Variants in DOCK5 observed in about 807,000 individuals in gnomAD.
The protein encoded by DOCK5 is dedicator of cytokinesis protein 5.
A neutral mutation model predicts 251.8 loss-of-function variants in DOCK5; 142 were observed. The observed-to-expected ratio is 0.56, with a 90% CI of 0.49 to 0.65. The LOEUF (loss-of-function observed/expected upper bound fraction) is 0.65, where lower values mean the gene tolerates loss of function less well. Ranked by LOEUF, DOCK5 falls within the 30% of genes least tolerant of loss-of-function variation. The probability of loss-of-function intolerance (pLI) is 0.00; values close to 1 mark genes in which losing one functional copy is unlikely to be tolerated. For synonymous variants in DOCK5, 842 were observed against 835.5 expected (o/e 1.01, Z -0.13); for missense variants, 2,111 against 2,312.3 (o/e 0.91, Z 1.79).
chr8:25,413,922 A>G lies in DOCK5; in HGVS notation c.*2624A>G, dbSNP rs927064354. ...AAATAATGTGTCCTGAAGTCAGAGG[A>G]TGACTGCAAAGAAACACCTCATGAT... is the stretch of plus-strand genomic sequence containing the variant. On this transcript the variant is annotated 3_prime_UTR_variant, in exon 52 of 52. Transcript: ENST00000276440. 7 of 152,202 alleles carry G rather than the reference A, an allele frequency of 4.6e-5. No individual in the cohort carries two copies. Among genetic ancestry groups the G allele is most frequent in the African/African-American group, 1.7e-4 (7 of 41,446 alleles). 9.4% of individuals were successfully genotyped at this position (152,202 alleles called of 1,614,324 possible).
At chr8:25,205,980 C>G (rs1801990688) in intron 1 of DOCK5, among the ~76,000 whole-genome samples, 2 of 152,016 alleles carry the variant, frequency 1.3e-5, no homozygotes, top group Admixed American at 1.3e-4. Context: ...ATAAATAACT[C>G]CAGGGAAAGG....
Position 25,391,911 on chromosome 8 carries a change from T to G in DOCK5, c.4371T>G (p.Asn1457Lys). 1 of 1,613,844 alleles carries G rather than the reference T, an allele frequency of 6.2e-7. No individual in the cohort carries two copies. Among genetic ancestry groups the G allele is most frequent in the Non-Finnish European group, 8.5e-7 (1 of 1,179,838 alleles). ...PEQILNYYRA[N>K]EVQQFRYSRP... is the part of the protein sequence containing the mutation. ...CCTTCTCCAGCTACTACAGAGCCAA[T>G]GAAGTGCAGCAGTTCAGATACTCCC... The change falls in exon 43 of 52, where the codon AAT becomes AAG. Residue 1457 changes from asparagine (N) to lysine (K), a missense_variant. By Grantham distance (94) the Asn-to-Lys change is moderately conservative. Transcript: ENST00000276440.
intron 37 of DOCK5, 104 bp downstream of exon 37, chr8:25,374,758 G>A (rs1800934850): frequency 6.2e-7 from 1 of 1,604,606 alleles, no homozygotes; most frequent in Non-Finnish European, 8.5e-7. Flanking sequence ...TTTATTCCAG[G>A]AATATCCTTT....
intron 34 of DOCK5, 111 bp downstream of exon 34, chr8:25,369,752 GC>G: frequency 1.2e-6 from 1 of 825,944 alleles, no homozygotes; most frequent in Admixed American, 2.5e-5. Context: ...AGTCACTAGG[GC>G]CACCCCCACT....
chr8:25,276,666 C>G (rs573455668), intron 4 of DOCK5, among the ~76,000 whole-genome samples: 5 of 146,270 alleles, frequency 3.4e-5, no homozygotes, highest in Non-Finnish European at 7.4e-5. Flanking sequence ...CTTTTGTTTT[C>G]TTTTCTTTTT....
chr8:25,298,905 C>CA (rs1217496577), intron 7 of DOCK5, 39 bp from the exon 8 acceptor site: 2 of 1,549,952 alleles, frequency 1.3e-6, no homozygotes, highest in Non-Finnish European at 1.7e-6. Flanking sequence ...TCCCATTTGC[C>CA]AAAATCAAGA....
At chr8:25,356,556 ACTC>A (rs1035951844) in intron 27 of DOCK5, among the ~76,000 whole-genome samples, 5 of 151,944 alleles carry the variant, frequency 3.3e-5, no homozygotes, top group African/African-American at 1.2e-4. Flanking sequence ...AATCCCAGCT[ACTC>A]AGGAGGCTAA....
chr8:25,350,996 A>AT (rs1800457163), intron 26 of DOCK5, among the ~76,000 whole-genome samples: 1 of 151,986 alleles, frequency 6.6e-6, no homozygotes, highest in Non-Finnish European at 1.5e-5. Context: ...AGAGCTTTGT[A>AT]TTTTTGCCTT....
At chr8:25,367,583 G>T (rs745475650) in intron 31 of DOCK5, among the ~76,000 whole-genome samples, 2 of 152,156 alleles carry the variant, frequency 1.3e-5, no homozygotes. Context: ...GGATATCTGC[G>T]ATATGTAGGA....
chr8:25,251,902 T>A (rs1465912692), intron 2 of DOCK5, among the ~76,000 whole-genome samples: 2 of 151,166 alleles, frequency 1.3e-5, no homozygotes, highest in East Asian at 3.9e-4. Flanking sequence ...GGCACAAGAA[T>A]CGCTTGAACC....
At chr8:25,271,142 G>T in intron 3 of DOCK5, 1 of 288,704 alleles carries the variant, frequency 3.5e-6, no homozygotes, top group Non-Finnish European at 6.3e-6. Flanking sequence ...GGTTCCCCCA[G>T]GATCTAAATG....
chr8:25,383,643 T>G (rs1473369727), intron 40 of DOCK5, among the ~76,000 whole-genome samples: 2 of 152,138 alleles, frequency 1.3e-5, no homozygotes, highest in African/African-American at 4.8e-5. Flanking sequence ...TCACTTGACG[T>G]CAGGGGTTCG....
At chr8:25,384,165 G>T (rs549962882) in intron 40 of DOCK5, among the ~76,000 whole-genome samples, 52 of 152,302 alleles carry the variant, frequency 3.4e-4, no homozygotes, top group African/African-American at 1.3e-3. Flanking sequence ...CTAGGTAAAA[G>T]AAGTTACACT....
chr8:25,299,139 A>G lies in DOCK5; in HGVS notation c.764+38A>G, dbSNP rs988955634. 10 of 1,601,848 alleles carry G rather than the reference A, an allele frequency of 6.2e-6. No individual in the cohort carries two copies. In the Admixed American group the frequency reaches 1.0e-4, roughly 16 times the overall value. ...CACATCCCCTGCTGCTGACCTAACAAAGATACCCAGCCTTCCCCTGACCCC... is the reference window on the plus strand; with the variant it reads ...CACATCCCCTGCTGCTGACCTAACAGAGATACCCAGCCTTCCCCTGACCCC... On this transcript the variant is annotated intron_variant, in intron 8 of 51. Transcript: ENST00000276440.
chr8:25,231,513 T>A (rs555404313), intron 1 of DOCK5, among the ~76,000 whole-genome samples: 1 of 152,328 alleles, frequency 6.6e-6, no homozygotes, highest in Non-Finnish European at 1.5e-5. Context: ...TGGATTCTTA[T>A]ACATTGACCA....
chr8:25,188,007 T>C (rs896467850), intron 1 of DOCK5, among the ~76,000 whole-genome samples: 1 of 152,236 alleles, frequency 6.6e-6, no homozygotes, highest in Non-Finnish European at 1.5e-5. Flanking sequence ...GGTTTTGTAT[T>C]CCTAGCACTC....
At position 25,412,719 on chromosome 8, in the gene DOCK5, C is replaced by G. The variant is rs1412622443; in HGVS notation, c.*1421C>G. The G allele has an allele frequency of 6.6e-6, 1 of 152,214 alleles. No individual in the cohort carries two copies. The highest frequency in any genetic ancestry group is 1.5e-5 in the Non-Finnish European group (1 of 68,046). 9.4% of individuals were successfully genotyped at this position (152,214 alleles called of 1,614,324 possible). A position where few individuals can be genotyped will look rare whatever the true frequency, so the allele number is the denominator to read the frequency against. On this transcript the variant is annotated 3_prime_UTR_variant, in exon 52 of 52. Transcript: ENST00000276440. ...CTCTCCCACAACCTTGCCCAGAGTC[C>G]TTTCCACTAAGGAGGTGAAGAGAAC...
In DOCK5 at chr8:25,186,605, C is replaced by G. The variant is rs189521815; in HGVS notation, c.43+1654C>G. Among the ~76,000 whole-genome samples, 1,087 of 152,246 alleles carry G rather than the reference C, an allele frequency of 7.1e-3. 21 individuals are homozygous for G. The highest frequency in any genetic ancestry group is 0.025 in the African/African-American group (1,034 of 41,532). Reference sequence around the variant, plus strand: ...TCTGGGCCAGGCTGGTCTCAAACTCCTGACCTCAGGTGATCCGCCTGCCTC... The same window carrying G: ...TCTGGGCCAGGCTGGTCTCAAACTCGTGACCTCAGGTGATCCGCCTGCCTC... On this transcript the variant is annotated intron_variant, in intron 1 of 51. Coordinates refer to ENST00000276440, the MANE Select transcript of DOCK5 (RefSeq NM_024940.8).
intron 6 of DOCK5, among the ~76,000 whole-genome samples, chr8:25,292,474 C>T (rs1290666558): frequency 6.6e-6 from 1 of 152,116 alleles, no homozygotes; most frequent in Non-Finnish European, 1.5e-5. Flanking sequence ...CCTGGCTGGG[C>T]ACAGTGGCTC....
Sources: allele counts gnomAD v4.1 joint callset (sites outside exome capture counted in the v4.1 genomes callset), GRCh38; gene constraint gnomAD v4.1.1; transcripts MANE v1.5; gene names NCBI Gene and HGNC (gene_info 2026-07-23, HGNC 2026-07-21).